ZC3H12C: variants seen among roughly 807,000 people sequenced by gnomAD.
The protein encoded by ZC3H12C is zinc finger CCCH-type containing 12C, also known as probable ribonuclease ZC3H12C.
ZC3H12C carries 20 observed loss-of-function variants against 76.3 expected under a neutral mutation model. That is an observed-to-expected ratio of 0.26 (90% confidence interval 0.18 to 0.38). The LOEUF (loss-of-function observed/expected upper bound fraction) is 0.38. ZC3H12C is among the 10% of genes least tolerant of loss of function. The pLI, the probability that ZC3H12C is intolerant of heterozygous loss-of-function variation, is 1.00. For missense variants in ZC3H12C, 874 were observed against 1,086.5 expected, an observed-to-expected ratio of 0.80 and a Z score of 2.75; for synonymous variants, 352 against 399.6, an observed-to-expected ratio of 0.88 and a Z score of 1.42.
At chr11:110,140,612 A>G (rs1862051757) in intron 2 of ZC3H12C, among the ~76,000 whole-genome samples, 1 of 152,188 alleles carries the variant, frequency 6.6e-6, no homozygotes, top group South Asian at 2.1e-4. Context: ...GACTGTTGAA[A>G]CTTTTCCCTC....
At chr11:110,155,569 G>A (rs754224958) in intron 3 of ZC3H12C, among the ~76,000 whole-genome samples, 2 of 151,996 alleles carry the variant, frequency 1.3e-5, no homozygotes, top group Non-Finnish European at 2.9e-5. Flanking sequence ...TTAGAAGAAT[G>A]GTTCAATTAG....
At chr11:110,148,385 C>G (rs930646285) in intron 2 of ZC3H12C, among the ~76,000 whole-genome samples, 4 of 152,220 alleles carry the variant, frequency 2.6e-5, no homozygotes, top group African/African-American at 9.6e-5. Context: ...CTAGGCATCT[C>G]GTATTTTTCT....
At chr11:110,158,008 C>CT (rs902221572) in intron 3 of ZC3H12C, among the ~76,000 whole-genome samples, 10 of 151,930 alleles carry the variant, frequency 6.6e-5, no homozygotes, top group Admixed American at 6.6e-5. Flanking sequence ...AAGAAGTGAG[C>CT]TTTTTTTTAA....
In ZC3H12C at chr11:110,163,375, A is replaced by G. The variant is rs1471162891; in HGVS notation, c.1251A>G (p.Pro417=). The change falls in exon 5 of 6, where the codon CCA becomes CCG. Residue 417 remains proline (P), a synonymous_variant. Transcript: ENST00000278590. The stretch of plus-strand genomic sequence containing the variant: ...CTGAACACAAAAAGCAGCCTTGTCC[A>G]TATGGTAACTTGCTTTGTGAATATT... The part of the protein sequence containing the change: ...IVPEHKKQPC[P]YGKKCTYGHK... 8 of 1,610,532 alleles carry G rather than the reference A, an allele frequency of 5.0e-6. No homozygotes were observed. The highest frequency in any genetic ancestry group is 1.3e-5 in the African/African-American group (1 of 75,020).
intron 1 of ZC3H12C, among the ~76,000 whole-genome samples, chr11:110,122,511 A>C (rs935303958): frequency 6.6e-6 from 1 of 152,158 alleles, no homozygotes; most frequent in African/African-American, 2.4e-5. Flanking sequence ...GGATGCCTGG[A>C]ACTGTGGCAT....
At chr11:110,125,509 G>A (rs1472005821) in intron 1 of ZC3H12C, among the ~76,000 whole-genome samples, 2 of 152,054 alleles carry the variant, frequency 1.3e-5, no homozygotes, top group African/African-American at 4.8e-5. Context: ...GCAGAGACGG[G>A]GTTTCACCAT....
intron 1 of ZC3H12C, among the ~76,000 whole-genome samples, chr11:110,108,403 G>A (rs1458402639): frequency 2.0e-5 from 3 of 152,318 alleles, no homozygotes; most frequent in Non-Finnish European, 4.4e-5. Context: ...TATTGAAATG[G>A]AGCTTTTCAG....
intron 2 of ZC3H12C, 23 bp downstream of exon 2, chr11:110,137,437 A>G (rs1234485717): frequency 3.9e-6 from 6 of 1,557,738 alleles, no homozygotes; most frequent in Non-Finnish European, 5.2e-6. Context: ...ATCGTTACTG[A>G]AAATTACTAC....
intron 1 of ZC3H12C, among the ~76,000 whole-genome samples, chr11:110,117,366 TC>T (rs1359629502): frequency 2.0e-5 from 3 of 152,164 alleles, no homozygotes; most frequent in Admixed American, 2.0e-4. Context: ...AATCCACATT[TC>T]TAAATTTTTT....
At chr11:110,111,335 T>C (rs560201130) in intron 1 of ZC3H12C, among the ~76,000 whole-genome samples, 1 of 152,342 alleles carries the variant, frequency 6.6e-6, no homozygotes, top group Non-Finnish European at 1.5e-5. Flanking sequence ...ATCAAAATCC[T>C]GAAATAATTT....
chr11:110,130,874 C>T lies in ZC3H12C; in HGVS notation c.22-5789C>T, dbSNP rs376911572. ...TTATCTTAGAAACCTACGAACCTGA[C>T]GCAGGGTGCTGAGGTTGTCTTGCAT... is the stretch of plus-strand genomic sequence containing the variant. On this transcript the variant is annotated intron_variant, in intron 1 of 5. Coordinates refer to ENST00000278590, the MANE Select transcript of ZC3H12C (RefSeq NM_033390.2). 9.3e-4 allele frequency: 596 copies of T among 641,494 alleles called. 6 individuals are homozygous for T. The South Asian group carries it at 0.011, about 12-fold the overall frequency. The allele number at this position is 641,494 out of a possible 1,614,324, so 39.7% of individuals were successfully genotyped here. A position where few individuals can be genotyped will look rare whatever the true frequency, so the allele number is the denominator to read the frequency against.
chr11:110,099,029 G>A (rs913707021), intron 1 of ZC3H12C, among the ~76,000 whole-genome samples: 1 of 152,160 alleles, frequency 6.6e-6, no homozygotes. Flanking sequence ...TATATTACTT[G>A]TAGAACTTGA....
intron 1 of ZC3H12C, among the ~76,000 whole-genome samples, chr11:110,098,083 G>A (rs1261642796): frequency 6.6e-6 from 1 of 152,134 alleles, no homozygotes; most frequent in Non-Finnish European, 1.5e-5. Flanking sequence ...TCAGAAGGCG[G>A]CATTATCATA....
At chr11:110,102,718 A>C (rs1214147183) in intron 1 of ZC3H12C, among the ~76,000 whole-genome samples, 1 of 152,288 alleles carries the variant, frequency 6.6e-6, no homozygotes, top group East Asian at 1.9e-4. Flanking sequence ...TCTTTCATGG[A>C]AGGAAGGGGA....
At position 110,118,024 on chromosome 11, in the gene ZC3H12C, T is replaced by C. The variant is rs866863014; in HGVS notation, c.22-18639T>C. 7.2e-4 allele frequency among the ~76,000 whole-genome samples: 75 copies of C among 103,800 alleles called. 12 individuals carry two copies. Among genetic ancestry groups the C allele is most frequent in the South Asian group, 2.8e-3 (9 of 3,256 alleles). 68.1% of individuals were successfully genotyped at this position (103,800 alleles called of 152,430 possible). On this transcript the variant is annotated intron_variant, in intron 1 of 5. Transcript: ENST00000278590. Reference sequence around the variant, plus strand: ...TATATTATATATATACACACACACATATATATTATATATATATACACATAT... The same window carrying C: ...TATATTATATATATACACACACACACATATATTATATATATATACACATAT...
chr11:110,120,109 AC>A (rs1861627283), intron 1 of ZC3H12C, among the ~76,000 whole-genome samples: 1 of 152,038 alleles, frequency 6.6e-6, no homozygotes, highest in South Asian at 2.1e-4. Context: ...CTGCACTGAA[AC>A]CTTGGGGAGA....
At chr11:110,123,153 T>G (rs1861680122) in intron 1 of ZC3H12C, among the ~76,000 whole-genome samples, 1 of 152,204 alleles carries the variant, frequency 6.6e-6, no homozygotes, top group African/African-American at 2.4e-5. Flanking sequence ...GAAATGTAGA[T>G]AAGGGGGACT....
At chr11:110,113,321 A>G (rs957534753) in intron 1 of ZC3H12C, among the ~76,000 whole-genome samples, 1 of 152,176 alleles carries the variant, frequency 6.6e-6, no homozygotes, top group Non-Finnish European at 1.5e-5. Flanking sequence ...TGTTAATAGC[A>G]GTATTCACCC....
At chr11:110,125,315 G>A (rs975951056) in intron 1 of ZC3H12C, among the ~76,000 whole-genome samples, 5 of 109,772 alleles carry the variant, frequency 4.6e-5, no homozygotes, top group Non-Finnish European at 9.6e-5. Context: ...GTGTGTGTGT[G>A]TGTGTGGTTT....
Sources: gnomAD v4.1 joint callset for allele counts (sites outside exome capture counted in the v4.1 genomes callset) on GRCh38, gnomAD v4.1.1 for gene constraint, MANE v1.5 for transcripts, NCBI Gene and HGNC (gene_info 2026-07-23, HGNC 2026-07-21) for gene names.